Variants in PRR5L observed in about 807,000 individuals in gnomAD.
The protein encoded by PRR5L is proline-rich protein 5-like.
A neutral mutation model predicts 36.4 loss-of-function variants in PRR5L; 21 were observed. The ratio of observed to expected loss-of-function variants is 0.58; its 90% CI spans 0.41 to 0.83. The LOEUF (loss-of-function observed/expected upper bound fraction) is 0.83. Ranked by LOEUF, PRR5L falls within the 40% of genes least tolerant of loss-of-function variation. The pLI, the probability that PRR5L is intolerant of heterozygous loss-of-function variation, is 0.00. For synonymous variants in PRR5L, 188 were observed against 197.0 expected (o/e 0.95, Z 0.38); for missense variants, 381 against 473.3 (o/e 0.80, Z 1.81).
At chr11:36,305,200 G>C (rs1245251279) in intron 1 of PRR5L, among the ~76,000 whole-genome samples, 2 of 152,154 alleles carry the variant, frequency 1.3e-5, no homozygotes, top group South Asian at 2.1e-4. Context: ...ACATTAAAAA[G>C]ATATGAAGTA....
intron 1 of PRR5L, among the ~76,000 whole-genome samples, chr11:36,400,639 T>C (rs1020463955): frequency 1.3e-5 from 2 of 152,324 alleles, no homozygotes; most frequent in East Asian, 3.9e-4. Context: ...CCTTGAGACA[T>C]TTTTTAAAAA....
chr11:36,319,753 A>C (rs1383908727), intron 1 of PRR5L, among the ~76,000 whole-genome samples: 1 of 151,512 alleles, frequency 6.6e-6, no homozygotes, highest in Non-Finnish European at 1.5e-5. Flanking sequence ...AAAGGCCTTA[A>C]GTGTTATAGG....
rs775869908 is a variant in PRR5L, at chr11:36,377,263, C to T, written c.-125-23734C>T. Among the ~76,000 whole-genome samples, 1 of 152,180 alleles carries T rather than the reference C, an allele frequency of 6.6e-6. No individual in the cohort carries two copies. Among genetic ancestry groups the T allele is most frequent in the Non-Finnish European group, 1.5e-5 (1 of 68,028 alleles). On this transcript the variant is annotated intron_variant, in intron 1 of 8. Coordinates refer to ENST00000530639, the MANE Select transcript of PRR5L (RefSeq NM_001160167.2). This position sits in a 1 kb window ranked among gnomAD's most constrained non-coding sequence, Gnocchi z 5.1. ...CTGCTGCACGCGCGCGCTCTGCGGA[C>T]TAGGGTGGGCCAGGGCCCAGCCAGT... is the stretch of plus-strand genomic sequence containing the variant.
chr11:36,425,302 G>T (rs1170471507), intron 4 of PRR5L: 1 of 152,164 alleles, frequency 6.6e-6, no homozygotes. Flanking sequence ...GGGGTTATTT[G>T]TCTAAGATAC....
intron 1 of PRR5L, among the ~76,000 whole-genome samples, chr11:36,392,787 G>A (rs1223966793): frequency 6.6e-6 from 1 of 152,072 alleles, no homozygotes; most frequent in Non-Finnish European, 1.5e-5. Context: ...GATCTCATGA[G>A]AACTCACTCA....
At chr11:36,416,428 CTGGCTA>C in intron 3 of PRR5L, among the ~76,000 whole-genome samples, 1 of 152,180 alleles carries the variant, frequency 6.6e-6, no homozygotes, top group East Asian at 1.9e-4. Context: ...CCTACTGTAC[CTGGCTA>C]TGGCCCATTA....
At position 36,344,665 on chromosome 11, in the gene PRR5L, G is replaced by C. The variant is rs1024163082; in HGVS notation, c.-126+48227G>C. Among the ~76,000 whole-genome samples, 2 of 152,138 alleles carry C rather than the reference G, an allele frequency of 1.3e-5. No homozygotes were observed. The highest frequency in any genetic ancestry group is 4.8e-5 in the African/African-American group (2 of 41,440). ...GTTTAATGGACATTATGAGGCATTA[G>C]AATGCAAAAAGTGCACTCTGTTTTT... On this transcript the variant is annotated intron_variant, in intron 1 of 8. Coordinates refer to ENST00000530639, the MANE Select transcript of PRR5L (RefSeq NM_001160167.2). The surrounding 1 kb of genome is among the most constrained non-coding windows in gnomAD (Gnocchi z 4.1).
chr11:36,369,425 G>A lies in PRR5L; in HGVS notation c.-125-31572G>A, dbSNP rs564988948. Among the ~76,000 whole-genome samples, 271 of 152,198 alleles carry A rather than the reference G, an allele frequency of 1.8e-3. 2 individuals are homozygous for A. The highest frequency in any genetic ancestry group is 0.014 in the Middle Eastern group (4 of 294). ...TGTCAGGTGCCCAGTCCCAGGACCA[G>A]TCACCTGATACAGGTCTAGGACAAT... On this transcript the variant is annotated intron_variant, in intron 1 of 8. Coordinates refer to ENST00000530639, the MANE Select transcript of PRR5L (RefSeq NM_001160167.2).
intron 3 of PRR5L, among the ~76,000 whole-genome samples, 199 bp from the exon 4 acceptor site, chr11:36,419,056 A>C (rs973602642): frequency 1.3e-5 from 2 of 152,152 alleles, no homozygotes; most frequent in African/African-American, 4.8e-5. Flanking sequence ...CTCAGAGTGA[A>C]CTGAGGAACG....
intron 1 of PRR5L, among the ~76,000 whole-genome samples, chr11:36,363,535 T>A (rs1464061686): frequency 6.6e-6 from 1 of 152,220 alleles, no homozygotes; most frequent in Admixed American, 6.5e-5. Flanking sequence ...CTGACTCTTG[T>A]CTTTTCTTTT....
At chr11:36,420,332 G>T (rs888833005) in intron 4 of PRR5L, among the ~76,000 whole-genome samples, 2 of 152,166 alleles carry the variant, frequency 1.3e-5, no homozygotes, top group South Asian at 4.1e-4. Context: ...GTGTGTAGGG[G>T]GGCAGTATAG....
At chr11:36,372,458 G>A (rs1223644075) in intron 1 of PRR5L, among the ~76,000 whole-genome samples, 1 of 152,200 alleles carries the variant, frequency 6.6e-6, no homozygotes, top group East Asian at 1.9e-4. Flanking sequence ...TATCTCAATA[G>A]TGTTCAAATT....
intron 4 of PRR5L, among the ~76,000 whole-genome samples, chr11:36,426,993 C>G (rs1486052606): frequency 2.0e-5 from 3 of 152,160 alleles, no homozygotes; most frequent in African/African-American, 7.2e-5. Flanking sequence ...TTGGTAGCCC[C>G]ACACCACCCA....
Position 36,441,132 on chromosome 11 carries a change from A to G in PRR5L, c.444+3656A>G, listed in dbSNP as rs187017135. Reference sequence around the variant, plus strand: ...ACTCCAAATCTCATGTCCTTCTCACATCGCAAAATACAATCATTCCTGCCC... The same window carrying G: ...ACTCCAAATCTCATGTCCTTCTCACGTCGCAAAATACAATCATTCCTGCCC... On this transcript the variant is annotated intron_variant, in intron 6 of 8. Coordinates refer to ENST00000530639, the MANE Select transcript of PRR5L (RefSeq NM_001160167.2). Among the ~76,000 whole-genome samples, 5 of 152,342 alleles carry G rather than the reference A, an allele frequency of 3.3e-5. No homozygotes were observed. In the East Asian group the frequency reaches 9.7e-4, roughly 29 times the overall value.
intron 1 of PRR5L, among the ~76,000 whole-genome samples, chr11:36,386,719 T>G (rs146671960): frequency 3.9e-5 from 6 of 152,244 alleles, no homozygotes; most frequent in Admixed American, 2.6e-4. Flanking sequence ...CCTAGTCTTC[T>G]GCCTTTGGGC....
intron 1 of PRR5L, among the ~76,000 whole-genome samples, chr11:36,325,749 T>C (rs984110093): frequency 6.6e-6 from 1 of 152,230 alleles, no homozygotes; most frequent in African/African-American, 2.4e-5. Flanking sequence ...CAGCTACTCC[T>C]GTCTCTCGAT....
intron 1 of PRR5L, among the ~76,000 whole-genome samples, chr11:36,392,791 T>G (rs1857589382): frequency 6.6e-6 from 1 of 152,104 alleles, no homozygotes. Context: ...TCATGAGAAC[T>G]CACTCACTTT....
intron 1 of PRR5L, among the ~76,000 whole-genome samples, chr11:36,363,962 C>T (rs988038514): frequency 4.6e-5 from 7 of 152,180 alleles, no homozygotes; most frequent in Non-Finnish European, 7.3e-5. Context: ...CATTTTTAGC[C>T]ACTGGTCTTG....
intron 1 of PRR5L, among the ~76,000 whole-genome samples, chr11:36,375,377 G>T (rs910567247): frequency 1.3e-5 from 2 of 151,802 alleles, no homozygotes; most frequent in Non-Finnish European, 2.9e-5. Flanking sequence ...ACCTAATATC[G>T]CAGGACAAAT....
Sources: allele counts gnomAD v4.1 joint callset (sites outside exome capture counted in the v4.1 genomes callset), GRCh38; gene constraint gnomAD v4.1.1; non-coding constraint Gnocchi (gnomAD v3.1); transcripts MANE v1.5; gene names NCBI Gene and HGNC (gene_info 2026-07-23, HGNC 2026-07-21).